DPYD: variants seen among roughly 807,000 people sequenced by gnomAD.
DPYD encodes the protein dihydropyrimidine dehydrogenase [NADP(+)].
Under a neutral mutation model 116.2 loss-of-function variants are expected in DPYD, and 109 were observed. The observed-to-expected ratio is 0.94, with a 90% CI of 0.80 to 1.10. DPYD has a LOEUF of 1.10. Ranked by LOEUF, DPYD falls within the 50% of genes least tolerant of loss-of-function variation. The pLI is 0.00. For synonymous variants in DPYD, 440 were observed against 432.0 expected (o/e 1.02, Z -0.23); for missense variants, 1,302 against 1,254.5 (o/e 1.04, Z -0.57).
chr1:97,158,081 T>G (rs1225467905), intron 20 of DPYD, among the ~76,000 whole-genome samples: 1 of 152,126 alleles, frequency 6.6e-6, no homozygotes, highest in Non-Finnish European at 1.5e-5. Flanking sequence ...AAAAGTACAC[T>G]GATAGCAAGT....
chr1:97,763,117 C>A, intron 3 of DPYD, among the ~76,000 whole-genome samples: 1 of 151,990 alleles, frequency 6.6e-6, no homozygotes, highest in East Asian at 1.9e-4. Context: ...AAGAAAAGAC[C>A]AACACCTCCA....
At chr1:97,092,893 C>G (rs1227099934) in intron 21 of DPYD, among the ~76,000 whole-genome samples, 1 of 152,056 alleles carries the variant, frequency 6.6e-6, no homozygotes, top group Non-Finnish European at 1.5e-5. Context: ...GAATCACTGA[C>G]TCTTGGAGGA....
chr1:97,877,743 GTTTA>G (rs1394923004), intron 2 of DPYD, among the ~76,000 whole-genome samples: 1 of 152,064 alleles, frequency 6.6e-6, no homozygotes, highest in East Asian at 1.9e-4. Flanking sequence ...CTGGTGAAAA[GTTTA>G]TTTACTTTGG....
chr1:97,895,755 C>T (rs908183716), intron 1 of DPYD, among the ~76,000 whole-genome samples: 1 of 151,642 alleles, frequency 6.6e-6, no homozygotes, highest in African/African-American at 2.4e-5. Flanking sequence ...CATACAATTA[C>T]TATTTAAGCT....
chr1:97,119,084 A>G (rs985916850), intron 20 of DPYD, among the ~76,000 whole-genome samples: 5 of 152,178 alleles, frequency 3.3e-5, no homozygotes, highest in Non-Finnish European at 5.9e-5. Context: ...ATTAGAAAGC[A>G]TACTAAGTGT....
At chr1:97,143,089 C>CA (rs2101699385) in intron 20 of DPYD, among the ~76,000 whole-genome samples, 1 of 151,512 alleles carries the variant, frequency 6.6e-6, no homozygotes, top group South Asian at 2.1e-4. Context: ...TTTTAAATAA[C>CA]AAAAACAGGA....
At chr1:97,518,186 T>TAC (rs59460571) in intron 12 of DPYD, among the ~76,000 whole-genome samples, 39,362 of 150,876 alleles carry the variant, frequency 0.26, 5,231 homozygotes, top group East Asian at 0.49. Flanking sequence ...AATAATAAAA[T>TAC]ACACACACAC....
chr1:97,770,065 C>T (rs1666063431), intron 3 of DPYD, among the ~76,000 whole-genome samples: 1 of 152,162 alleles, frequency 6.6e-6, no homozygotes, highest in Non-Finnish European at 1.5e-5. Flanking sequence ...AGAGGAAGGG[C>T]ATTTTGGCAG....
At chr1:97,323,062 G>T (rs2101115110) in intron 16 of DPYD, 1 of 150,618 alleles carries the variant, frequency 6.6e-6, no homozygotes, top group Admixed American at 6.6e-5. Flanking sequence ...TTTCAAAATT[G>T]AGTTGAACTT....
chr1:97,385,536 A>C (rs562223012), intron 14 of DPYD, among the ~76,000 whole-genome samples: 97 of 149,386 alleles, frequency 6.5e-4, no homozygotes, highest in African/African-American at 2.2e-3. Context: ...AAAAAAAAAA[A>C]AACAAAATAA....
chr1:97,258,586 C>T (rs2100840142), intron 18 of DPYD, among the ~76,000 whole-genome samples: 1 of 152,256 alleles, frequency 6.6e-6, no homozygotes, highest in Middle Eastern at 3.4e-3. Context: ...AGGCCACTTT[C>T]ATCCAAGTCC....
chr1:97,458,043 A>T (rs916292815), intron 13 of DPYD, among the ~76,000 whole-genome samples: 1 of 152,186 alleles, frequency 6.6e-6, no homozygotes, highest in African/African-American at 2.4e-5. Context: ...ATTAACTTAG[A>T]AATTTCTGCT....
intron 2 of DPYD, among the ~76,000 whole-genome samples, chr1:97,837,392 A>C (rs1327602575): frequency 1.3e-5 from 2 of 152,164 alleles, no homozygotes; most frequent in East Asian, 3.8e-4. Context: ...AACAATTTTA[A>C]GTGCTAATCT....
intron 4 of DPYD, among the ~76,000 whole-genome samples, chr1:97,735,943 CAAAT>C (rs1482896123): frequency 6.6e-6 from 1 of 151,628 alleles, no homozygotes; most frequent in Non-Finnish European, 1.5e-5. Flanking sequence ...AATAAAAAGA[CAAAT>C]GTATGAAACC....
At chr1:97,424,973 T>C (rs1674784258) in intron 14 of DPYD, among the ~76,000 whole-genome samples, 1 of 152,078 alleles carries the variant, frequency 6.6e-6, no homozygotes, top group Non-Finnish European at 1.5e-5. Context: ...GTGTTAAAAA[T>C]ATATGAAGTT....
intron 2 of DPYD, among the ~76,000 whole-genome samples, chr1:97,835,498 T>G (rs1037521965): frequency 1.3e-5 from 2 of 152,096 alleles, no homozygotes; most frequent in Admixed American, 6.5e-5. Context: ...CAGTAAGAAT[T>G]AAGTAATATT....
intron 12 of DPYD, among the ~76,000 whole-genome samples, chr1:97,523,864 G>A (rs971901409): frequency 3.3e-5 from 5 of 152,060 alleles, no homozygotes; most frequent in African/African-American, 7.3e-5. Flanking sequence ...CATTTAATGC[G>A]TATAGTGTTT....
chr1:97,413,678 G>A (rs776561713), intron 14 of DPYD, among the ~76,000 whole-genome samples: 8 of 151,990 alleles, frequency 5.3e-5, no homozygotes, highest in African/African-American at 1.4e-4. Flanking sequence ...GTTTCACCAC[G>A]TTGCCCAGGC....
At position 97,593,299 on chromosome 1, in the gene DPYD, T is replaced by C; in HGVS notation, c.1047A>G (p.Thr349=). ...GAGDTAFDCA[T]SALRCGARRV... ...GGCGAGCTCCACAACGTAGAGCAGA[T>C]GTTGCACAGTCAAAGGCAGTGTCTC... The change falls in exon 10 of 23, where the codon ACA becomes ACG. Residue 349 remains threonine (T), a synonymous_variant. Coordinates refer to ENST00000370192, the MANE Select transcript of DPYD (RefSeq NM_000110.4). The C allele has an allele frequency of 5.6e-6, 9 of 1,614,144 alleles. No homozygotes were observed. Among genetic ancestry groups the C allele is most frequent in the Non-Finnish European group, 7.6e-6 (9 of 1,180,016 alleles).
Sources: allele counts gnomAD v4.1 joint callset (sites outside exome capture counted in the v4.1 genomes callset), GRCh38; gene constraint gnomAD v4.1.1; transcripts MANE v1.5; gene names NCBI Gene and HGNC (gene_info 2026-07-23, HGNC 2026-07-21).